Variants in PRTFDC1 observed in about 807,000 individuals in gnomAD.
PRTFDC1 encodes the protein phosphoribosyltransferase domain-containing protein 1.
A neutral mutation model predicts 34.6 loss-of-function variants in PRTFDC1; 38 were observed. That is an observed-to-expected ratio of 1.10 (90% CI 0.85 to 1.44). The LOEUF is 1.44. Ranked by LOEUF, PRTFDC1 falls within the 40% of genes most tolerant of loss-of-function variation. The probability of loss-of-function intolerance (pLI) is 0.00; values close to 1 mark genes in which losing one functional copy is unlikely to be tolerated. For missense variants in PRTFDC1, 270 were observed against 283.0 expected (o/e 0.95, Z 0.33); for synonymous variants, 93 against 98.1 (o/e 0.95, Z 0.31).
intron 3 of PRTFDC1, among the ~76,000 whole-genome samples, chr10:24,895,898 C>A (rs1178720380): frequency 3.3e-5 from 5 of 151,624 alleles, no homozygotes; most frequent in Non-Finnish European, 5.9e-5. Flanking sequence ...TTTCAGACAC[C>A]TGGAAGTTAT....
At chr10:24,893,095 T>C (rs1477906028) in intron 3 of PRTFDC1, among the ~76,000 whole-genome samples, 1 of 152,180 alleles carries the variant, frequency 6.6e-6, no homozygotes, top group Non-Finnish European at 1.5e-5. Context: ...GCACATCCTA[T>C]GTTACATAAT....
At chr10:24,949,747 T>TA (rs1849310496) in intron 1 of PRTFDC1, among the ~76,000 whole-genome samples, 13 of 120,658 alleles carry the variant, frequency 1.1e-4, no homozygotes, top group Admixed American at 1.6e-4. Context: ...TTATTTTTTT[T>TA]TTTTTTTTTA....
chr10:24,880,869 T>TTCTTTCTTTCCC (rs1565264559), intron 3 of PRTFDC1, among the ~76,000 whole-genome samples: 4 of 146,490 alleles, frequency 2.7e-5, no homozygotes, highest in African/African-American at 1.0e-4. Flanking sequence ...CTTTCTTTCT[T>TTCTTTCTTTCCC]TCTTTCTTTC....
At chr10:24,856,289 AAAG>A (rs1175111837) in intron 6 of PRTFDC1, among the ~76,000 whole-genome samples, 1 of 151,616 alleles carries the variant, frequency 6.6e-6, no homozygotes, top group Non-Finnish European at 1.5e-5. Flanking sequence ...AAAGAATAAA[AAAG>A]AAAAAAAAAA....
intron 6 of PRTFDC1, 70 bp from the exon 7 acceptor site, chr10:24,855,434 T>C (rs1847556907): frequency 6.4e-7 from 1 of 1,557,086 alleles, no homozygotes; most frequent in African/African-American, 1.4e-5. Context: ...GAATCAAGCA[T>C]CATTAAAAGA....
At chr10:24,914,565 C>T (rs1848668040) in intron 3 of PRTFDC1, among the ~76,000 whole-genome samples, 1 of 152,152 alleles carries the variant, frequency 6.6e-6, no homozygotes, top group African/African-American at 2.4e-5. Context: ...CTCAGCATCC[C>T]ATGGGTGTGA....
At chr10:24,892,138 C>T (rs1848273180) in intron 3 of PRTFDC1, among the ~76,000 whole-genome samples, 1 of 152,054 alleles carries the variant, frequency 6.6e-6, no homozygotes, top group South Asian at 2.1e-4. Flanking sequence ...AGTGGGATTG[C>T]TGGATCATAT....
intron 7 of PRTFDC1, among the ~76,000 whole-genome samples, chr10:24,853,892 G>A (rs1847532827): frequency 6.6e-6 from 1 of 152,176 alleles, no homozygotes; most frequent in African/African-American, 2.4e-5. Flanking sequence ...CAGATGTAGT[G>A]GAAGAGTCAG....
At chr10:24,872,924 C>T (rs1367879206) in intron 3 of PRTFDC1, among the ~76,000 whole-genome samples, 1 of 149,824 alleles carries the variant, frequency 6.7e-6, no homozygotes, top group African/African-American at 2.5e-5. Flanking sequence ...CCTTCTGTCT[C>T]GGCTTCCCAA....
chr10:24,863,077 C>T (rs1847709437), intron 4 of PRTFDC1, among the ~76,000 whole-genome samples: 1 of 152,070 alleles, frequency 6.6e-6, no homozygotes, highest in Non-Finnish European at 1.5e-5. Context: ...AGGGGTTTCA[C>T]CCTGTTGGCC....
chr10:24,911,336 T>C (rs2132568701), intron 3 of PRTFDC1, among the ~76,000 whole-genome samples: 1 of 152,348 alleles, frequency 6.6e-6, no homozygotes, highest in Middle Eastern at 3.4e-3. Context: ...TCATACAGCA[T>C]ATATCCTTTC....
intron 3 of PRTFDC1, among the ~76,000 whole-genome samples, chr10:24,897,990 G>T (rs61854297): frequency 0.12 from 17,654 of 152,116 alleles, 1,259 homozygotes; most frequent in East Asian, 0.29. Context: ...AATAGAGGAA[G>T]ACTTGAAAAG....
intron 3 of PRTFDC1, among the ~76,000 whole-genome samples, chr10:24,905,600 A>G (rs1045642430): frequency 6.6e-6 from 1 of 151,948 alleles, no homozygotes; most frequent in Non-Finnish European, 1.5e-5. Context: ...AGGGTGAGCC[A>G]CCTTGCCAAG....
chr10:24,899,503 C>G (rs1848418318), intron 3 of PRTFDC1, among the ~76,000 whole-genome samples: 1 of 152,092 alleles, frequency 6.6e-6, no homozygotes, highest in African/African-American at 2.4e-5. Context: ...CACCTCTGAC[C>G]AACGACCGCA....
In PRTFDC1 at chr10:24,851,387, C is replaced by G. The variant is rs1369760102; in HGVS notation, c.630+1G>C. ...GTTAGGGATTTGCATGCAAGACTTA[C>G]ATTCAGATCTCTGAAGTATTCATTG... is the stretch of plus-strand genomic sequence containing the variant. On this transcript the variant is annotated splice_donor_variant, in intron 8 of 8. Coordinates refer to ENST00000320152, the MANE Select transcript of PRTFDC1 (RefSeq NM_020200.7). LOFTEE classifies it high-confidence loss of function. The G allele has an allele frequency of 1.9e-6, 3 of 1,600,492 alleles. No homozygotes were observed. Among genetic ancestry groups the G allele is most frequent in the Non-Finnish European group, 2.5e-6 (3 of 1,176,682 alleles).
chr10:24,879,595 G>A (rs574250278), intron 3 of PRTFDC1, among the ~76,000 whole-genome samples: 5 of 152,102 alleles, frequency 3.3e-5, no homozygotes, highest in South Asian at 4.2e-4. Context: ...TGATCTGCCC[G>A]CCTCGGCCTC....
intron 4 of PRTFDC1, among the ~76,000 whole-genome samples, chr10:24,866,807 AG>A: frequency 6.6e-6 from 1 of 151,846 alleles, no homozygotes; most frequent in Non-Finnish European, 1.5e-5. Flanking sequence ...AGAGAGAGAG[AG>A]AGAAAAGAAG....
intron 3 of PRTFDC1, among the ~76,000 whole-genome samples, chr10:24,893,827 T>C (rs540476663): frequency 1.3e-5 from 2 of 152,264 alleles, no homozygotes; most frequent in South Asian, 2.1e-4. Context: ...AGCAGAGCCC[T>C]CCTGTTTGAG....
chr10:24,859,785 G>A (rs1588574004), intron 4 of PRTFDC1, among the ~76,000 whole-genome samples: 1 of 152,280 alleles, frequency 6.6e-6, no homozygotes, highest in East Asian at 1.9e-4. Flanking sequence ...ATCTCCATGA[G>A]GTTGGGATCA....
Sources: gnomAD v4.1 joint callset for allele counts (sites outside exome capture counted in the v4.1 genomes callset) on GRCh38, gnomAD v4.1.1 for gene constraint, MANE v1.5 for transcripts, NCBI Gene and HGNC (gene_info 2026-07-23, HGNC 2026-07-21) for gene names.